The following RTN1 variants were observed in gnomAD, a reference collection of about 807,000 sequenced individuals.
RTN1 encodes the protein reticulon-1.
In RTN1, 25 loss-of-function variants were observed where a neutral mutation model predicts 65.5. The ratio of observed to expected loss-of-function variants is 0.38; its 90% confidence interval spans 0.28 to 0.53. The LOEUF is 0.53. Ranked by LOEUF, RTN1 falls within the 20% of genes least tolerant of loss-of-function variation. RTN1 has a pLI of 0.79. For synonymous variants in RTN1, 471 were observed against 447.6 expected (o/e 1.05, Z -0.66); for missense variants, 983 against 1,025.4 (o/e 0.96, Z 0.57).
At position 59,820,356 on chromosome 14, in the gene RTN1, G is replaced by GTTTTT. The variant is rs34274539; in HGVS notation, c.241+50029_241+50033dup. 6.0e-3 allele frequency among the ~76,000 whole-genome samples: 474 copies of GTTTTT among 79,128 alleles called. 6 individuals carry two copies. Among genetic ancestry groups the GTTTTT allele is most frequent in the African/African-American group, 0.012 (245 of 21,174 alleles). 51.9% of individuals were successfully genotyped at this position (79,128 alleles called of 152,430 possible). ...TCTGTAGGCTGTCTGCTTATTGATA[G>GTTTTT]TTTTTTTTTTTTTTTTTTTTTTTGC... On this transcript the variant is annotated intron_variant, in intron 1 of 8. Coordinates refer to ENST00000267484, the MANE Select transcript of RTN1 (RefSeq NM_021136.3).
chr14:59,626,268 C>A (rs1383669850), intron 3 of RTN1, among the ~76,000 whole-genome samples: 1 of 152,020 alleles, frequency 6.6e-6, no homozygotes, highest in African/African-American at 2.4e-5. Flanking sequence ...AGTGTTTCCA[C>A]GAACACTGTA....
intron 2 of RTN1, among the ~76,000 whole-genome samples, chr14:59,731,376 T>C (rs1884893315): frequency 6.6e-6 from 1 of 152,060 alleles, no homozygotes; most frequent in African/African-American, 2.4e-5. Context: ...GGGTGCAGGG[T>C]TTCTTTTTGG....
intron 2 of RTN1, among the ~76,000 whole-genome samples, chr14:59,738,021 T>G (rs111576678): frequency 7.8e-4 from 119 of 152,302 alleles, no homozygotes; most frequent in African/African-American, 2.6e-3. Context: ...AAAGATGGAT[T>G]AAAGACTTAA....
intron 1 of RTN1, among the ~76,000 whole-genome samples, chr14:59,792,995 T>C (rs1690152040): frequency 6.6e-6 from 1 of 152,124 alleles, no homozygotes. Context: ...TTCCCTGAAA[T>C]CATGTGACAA....
At position 59,856,222 on chromosome 14, in the gene RTN1, C is replaced by T. The variant is rs184102992; in HGVS notation, c.241+14168G>A. Among the ~76,000 whole-genome samples the T allele has an allele frequency of 5.8e-3, 885 of 152,228 alleles. 8 individuals are homozygous for T. The highest frequency in any genetic ancestry group is 6.9e-3 in the Non-Finnish European group (466 of 68,020). On this transcript the variant is annotated intron_variant, in intron 1 of 8. Coordinates refer to ENST00000267484, the MANE Select transcript of RTN1 (RefSeq NM_021136.3). ...TATATGCAATGTCCAGGATTTTTAG[C>T]TGTATTTAGCAGAAGGGATAGAGAC... is the stretch of plus-strand genomic sequence containing the variant.
chr14:59,657,439 G>T (rs999549992), intron 3 of RTN1, among the ~76,000 whole-genome samples: 2 of 151,962 alleles, frequency 1.3e-5, no homozygotes, highest in African/African-American at 4.8e-5. Flanking sequence ...AACAAAAAAG[G>T]GTGTATGGCT....
In RTN1 at chr14:59,870,663, T is replaced by C. The variant is rs1183138873; in HGVS notation, c.-33A>G. On this transcript the variant is annotated 5_prime_UTR_variant, in exon 1 of 9. Coordinates refer to ENST00000267484, the MANE Select transcript of RTN1 (RefSeq NM_021136.3). The surrounding 1 kb of genome is among the most constrained non-coding windows in gnomAD (Gnocchi z 5.1). ...GGTCCCCCGGCGCGGCGACGGCGGCTTGGCTGGGCAGAGGCTCGGTGGCTG... is the reference window on the plus strand; with the variant it reads ...GGTCCCCCGGCGCGGCGACGGCGGCCTGGCTGGGCAGAGGCTCGGTGGCTG... 8 of 1,346,494 alleles carry C rather than the reference T, an allele frequency of 5.9e-6. No individual in the cohort carries two copies. Among genetic ancestry groups the C allele is most frequent in the Non-Finnish European group, 7.6e-6 (8 of 1,057,132 alleles). The allele number at this position is 1,346,494 out of a possible 1,614,324, so 83.4% of individuals were successfully genotyped here. A position where few individuals can be genotyped will look rare whatever the true frequency, so the allele number is the denominator to read the frequency against.
intron 1 of RTN1, among the ~76,000 whole-genome samples, chr14:59,805,026 G>A (rs1005084883): frequency 2.0e-5 from 3 of 152,166 alleles, no homozygotes; most frequent in Admixed American, 2.0e-4. Context: ...CACATGGGGT[G>A]ATATTCAAAC....
intron 3 of RTN1, among the ~76,000 whole-genome samples, chr14:59,671,450 A>G (rs1338982603): frequency 6.6e-6 from 1 of 152,218 alleles, no homozygotes; most frequent in Admixed American, 6.5e-5. Context: ...AAAAAGAATG[A>G]GTGATACCAA....
chr14:59,745,664 C>T (rs1885200468), intron 2 of RTN1, 44 bp downstream of exon 2: 1 of 1,482,772 alleles, frequency 6.7e-7, no homozygotes, highest in African/African-American at 1.4e-5. Flanking sequence ...TTGAGATTTC[C>T]ATATGCTGGG....
chr14:59,746,056 T>C lies in RTN1; in HGVS notation c.667A>G (p.Lys223Glu), dbSNP rs766948087. ...ATTGAGATGTCAGTGTCTTTATTCT[T>C]AAAGTCCAAGTCTTTATCTTCCAGC... is the stretch of plus-strand genomic sequence containing the variant. The part of the protein sequence containing the change: ...PELEDKDLDF[K>E]NKDTDISIKP... The change falls in exon 2 of 9, where the codon AAG (lysine) becomes GAG (glutamate). Residue 223 changes from lysine (K) to glutamate (E), a missense_variant. Around this residue, in one of 2 missense-constraint regions of RTN1, gnomAD observed 818 missense variants for 801.8 expected, o/e 1.02. Coordinates refer to ENST00000267484, the MANE Select transcript of RTN1 (RefSeq NM_021136.3). The C allele has an allele frequency of 1.9e-6, 3 of 1,614,204 alleles. No individual in the cohort carries two copies. Among genetic ancestry groups the C allele is most frequent in the Non-Finnish European group, 2.5e-6 (3 of 1,180,032 alleles).
At chr14:59,839,356 G>A (rs959895930) in intron 1 of RTN1, among the ~76,000 whole-genome samples, 1 of 152,076 alleles carries the variant, frequency 6.6e-6, no homozygotes, top group African/African-American at 2.4e-5. Flanking sequence ...TTTAGCTTCA[G>A]CTAATACAAT....
Position 59,596,687 on chromosome 14 carries a change from AG to A in RTN1, c.*57del. On this transcript the variant is annotated 3_prime_UTR_variant, in exon 9 of 9. Coordinates refer to ENST00000267484, the MANE Select transcript of RTN1 (RefSeq NM_021136.3). ...TCAATTTGCAGTAATGAGTAAGAAG[AG>A]AGCTGTTACCACTCCAGACATTCCT... is the stretch of plus-strand genomic sequence containing the variant. 2 of 1,254,682 alleles carry A rather than the reference AG, an allele frequency of 1.6e-6. No individual in the cohort carries two copies. The allele number at this position is 1,254,682 out of a possible 1,614,324, so 77.7% of individuals were successfully genotyped here. A position where few individuals can be genotyped will look rare whatever the true frequency, so the allele number is the denominator to read the frequency against.
intron 1 of RTN1, among the ~76,000 whole-genome samples, chr14:59,761,650 A>C (rs1885750183): frequency 6.6e-6 from 1 of 152,250 alleles, no homozygotes; most frequent in Admixed American, 6.5e-5. Context: ...ATAATCCACA[A>C]GATCAAGCTA....
intron 1 of RTN1, among the ~76,000 whole-genome samples, chr14:59,772,495 A>G (rs564647747): frequency 4.9e-4 from 75 of 152,184 alleles, no homozygotes; most frequent in African/African-American, 1.7e-3. Flanking sequence ...TTCCGGATTA[A>G]GTTACGTGAC....
intron 3 of RTN1, among the ~76,000 whole-genome samples, chr14:59,679,184 G>C (rs1883692727): frequency 6.6e-6 from 1 of 152,198 alleles, no homozygotes; most frequent in South Asian, 2.1e-4. Context: ...AATTGTTAGG[G>C]TGGCTTGGGT....
intron 1 of RTN1, among the ~76,000 whole-genome samples, chr14:59,862,952 T>G (rs907534055): frequency 6.6e-6 from 1 of 152,160 alleles, no homozygotes; most frequent in African/African-American, 2.4e-5. Context: ...ATGGAAAACT[T>G]CCACCTGTTC....
At chr14:59,614,313 T>C (rs1882045087) in intron 3 of RTN1, among the ~76,000 whole-genome samples, 1 of 152,194 alleles carries the variant, frequency 6.6e-6, no homozygotes, top group East Asian at 1.9e-4. Flanking sequence ...TTCCTGGCCC[T>C]GCTCCTCCAA....
intron 3 of RTN1, among the ~76,000 whole-genome samples, chr14:59,712,788 G>A (rs1318978587): frequency 3.3e-5 from 5 of 151,958 alleles, no homozygotes; most frequent in Non-Finnish European, 7.4e-5. Context: ...GGGCATGCCT[G>A]TAATCCCAGC....
Sources: gnomAD v4.1 joint callset for allele counts (sites outside exome capture counted in the v4.1 genomes callset) on GRCh38, gnomAD v4.1.1 for gene constraint, gnomAD v4.1.1 regional missense constraint, Gnocchi (gnomAD v3.1) non-coding constraint, MANE v1.5 for transcripts, NCBI Gene and HGNC (gene_info 2026-07-23, HGNC 2026-07-21) for gene names.